Variants in SUPT3H observed in about 807,000 individuals in gnomAD.
SUPT3H encodes transcription initiation protein SPT3 homolog.
A neutral mutation model predicts 44.3 loss-of-function variants in SUPT3H; 44 were observed. The observed-to-expected ratio is 0.99, with a 90% CI of 0.78 to 1.28. SUPT3H has a LOEUF of 1.28. SUPT3H is among the 50% of genes most tolerant of loss of function. The probability of loss-of-function intolerance (pLI) is 0.00; values close to 1 mark genes in which losing one functional copy is unlikely to be tolerated. For synonymous variants in SUPT3H, 124 were observed against 125.6 expected, an observed-to-expected ratio of 0.99 and a Z score of 0.09; for missense variants, 380 against 387.1, an observed-to-expected ratio of 0.98 and a Z score of 0.15.
At chr6:44,813,576 G>GAAAAAAAAAAAAAAAAAA (rs5875893) in intron 11 of SUPT3H, among the ~76,000 whole-genome samples, 1 of 135,232 alleles carries the variant, frequency 7.4e-6, no homozygotes, top group African/African-American at 2.7e-5. Context: ...AAACCAAGAG[G>GAAAAAAAAAAAAAAAAAA]AAAAAAAAAA....
intron 2 of SUPT3H, among the ~76,000 whole-genome samples, chr6:45,355,065 C>T (rs1014490959): frequency 6.6e-6 from 1 of 151,758 alleles, no homozygotes; most frequent in African/African-American, 2.4e-5. Context: ...GACTCAACCA[C>T]TTGGGCTTAA....
In SUPT3H at chr6:45,158,302, T is replaced by A. The variant is rs1200533988; in HGVS notation, c.102-52296A>T. Among the ~76,000 whole-genome samples, 587 of 70,048 alleles carry A rather than the reference T, an allele frequency of 8.4e-3. 10 individuals are homozygous for A. The highest frequency in any genetic ancestry group is 0.015 in the African/African-American group (280 of 19,094). The allele number at this position is 70,048 out of a possible 152,430, so 46.0% of individuals were successfully genotyped here. On this transcript the variant is annotated intron_variant, in intron 2 of 10. Transcript: ENST00000371459. ...TATATATATATATATATATATATTT[T>A]TTTTTTTTTTTTTTTGAGATGGAGT...
intron 6 of SUPT3H, among the ~76,000 whole-genome samples, chr6:44,988,466 G>T: frequency 1.4e-5 from 2 of 140,616 alleles, no homozygotes; most frequent in East Asian, 2.0e-4. Flanking sequence ...AAGTAAATTA[G>T]GCCAAAGGGC....
intron 2 of SUPT3H, among the ~76,000 whole-genome samples, chr6:45,252,547 A>G (rs1036544610): frequency 2.0e-5 from 3 of 152,144 alleles, no homozygotes; most frequent in Non-Finnish European, 4.4e-5. Context: ...GTTCTGTCCA[A>G]TAGAATTTCA....
At chr6:44,895,874 A>G (rs2153445328) in intron 10 of SUPT3H, among the ~76,000 whole-genome samples, 1 of 152,018 alleles carries the variant, frequency 6.6e-6, no homozygotes. Flanking sequence ...TGTAGACATA[A>G]CTAAAGTAGG....
chr6:45,318,136 G>A (rs188387541), intron 2 of SUPT3H, among the ~76,000 whole-genome samples: 1 of 152,126 alleles, frequency 6.6e-6, no homozygotes, highest in East Asian at 1.9e-4. Context: ...TATAGACAGA[G>A]TAAAAAGATC....
At chr6:44,966,634 T>C (rs1473139958) in intron 6 of SUPT3H, among the ~76,000 whole-genome samples, 1 of 152,126 alleles carries the variant, frequency 6.6e-6, no homozygotes, top group Admixed American at 6.5e-5. Context: ...AGAAAACAGT[T>C]ACTATTCTAG....
At chr6:44,958,067 C>T (rs1250396594) in intron 7 of SUPT3H, among the ~76,000 whole-genome samples, 3 of 152,122 alleles carry the variant, frequency 2.0e-5, no homozygotes, top group East Asian at 1.9e-4. Flanking sequence ...CCTTCTCCTT[C>T]GCCCCTCTTC....
At chr6:45,069,295 G>A (rs1175955631) in intron 3 of SUPT3H, among the ~76,000 whole-genome samples, 1 of 152,186 alleles carries the variant, frequency 6.6e-6, no homozygotes, top group Non-Finnish European at 1.5e-5. Context: ...CTAGGACTCT[G>A]AGCAGGGAAG....
chr6:44,951,742 G>C (rs952761400), intron 9 of SUPT3H, among the ~76,000 whole-genome samples: 3 of 152,164 alleles, frequency 2.0e-5, no homozygotes, highest in Admixed American at 6.5e-5. Flanking sequence ...ACCAAGAAAA[G>C]AGGGGAAATA....
intron 3 of SUPT3H, among the ~76,000 whole-genome samples, chr6:45,026,567 C>A (rs2153521361): frequency 6.6e-6 from 1 of 152,110 alleles, no homozygotes; most frequent in Admixed American, 6.5e-5. Context: ...CATTAAAAGT[C>A]AAATAATACT....
At chr6:44,987,152 C>T (rs1779908062) in intron 6 of SUPT3H, among the ~76,000 whole-genome samples, 2 of 152,206 alleles carry the variant, frequency 1.3e-5, no homozygotes, top group Non-Finnish European at 2.9e-5. Flanking sequence ...GAGGTTCTTC[C>T]TGTTCTTACA....
At chr6:44,985,445 T>A (rs1779668342) in intron 6 of SUPT3H, among the ~76,000 whole-genome samples, 1 of 151,956 alleles carries the variant, frequency 6.6e-6, no homozygotes, top group Non-Finnish European at 1.5e-5. Context: ...CATAAATACG[T>A]TGTATCCTAA....
intron 3 of SUPT3H, among the ~76,000 whole-genome samples, chr6:45,062,718 G>C (rs74690327): frequency 2.0e-5 from 3 of 152,092 alleles, no homozygotes; most frequent in Non-Finnish European, 4.4e-5. Flanking sequence ...CTGGAAAATC[G>C]GGTCACTCCC....
intron 10 of SUPT3H, among the ~76,000 whole-genome samples, chr6:44,851,607 G>A (rs1422791555): frequency 2.0e-5 from 3 of 152,092 alleles, no homozygotes; most frequent in African/African-American, 7.2e-5. Context: ...AATGATCCCC[G>A]GTTAGCCTTT....
intron 6 of SUPT3H, among the ~76,000 whole-genome samples, chr6:44,986,447 C>T (rs1467140749): frequency 6.6e-6 from 1 of 152,084 alleles, no homozygotes; most frequent in African/African-American, 2.4e-5. Context: ...GACTCTGGTA[C>T]TACTACTACT....
chr6:45,337,987 T>C (rs1788943882), intron 2 of SUPT3H, among the ~76,000 whole-genome samples: 1 of 152,018 alleles, frequency 6.6e-6, no homozygotes, highest in Non-Finnish European at 1.5e-5. Flanking sequence ...GCTTCTTTCA[T>C]ACTCTAATTA....
At position 45,012,374 on chromosome 6, in the gene SUPT3H, T is replaced by C. The variant is rs76563016; in HGVS notation, c.364+2427A>G. Among the ~76,000 whole-genome samples the C allele has an allele frequency of 1.7e-3, 251 of 152,110 alleles. 2 individuals are homozygous for C. Among genetic ancestry groups the C allele is most frequent in the African/African-American group, 5.7e-3 (237 of 41,546 alleles). On this transcript the variant is annotated intron_variant, in intron 5 of 10. Coordinates refer to ENST00000371459, the MANE Select transcript of SUPT3H (RefSeq NM_003599.4). ...TTATTTTTTCACTTTTTTCTTCAGATTGTAAACTCTTTAATGATGTCTTCA... is the reference window on the plus strand; with the variant it reads ...TTATTTTTTCACTTTTTTCTTCAGACTGTAAACTCTTTAATGATGTCTTCA...
intron 2 of SUPT3H, among the ~76,000 whole-genome samples, chr6:45,127,055 C>A (rs925097352): frequency 6.6e-6 from 1 of 152,150 alleles, no homozygotes; most frequent in Non-Finnish European, 1.5e-5. Context: ...GTGGCTGACG[C>A]CTGTAATCCC....
Sources: gnomAD v4.1 joint callset for allele counts (sites outside exome capture counted in the v4.1 genomes callset) on GRCh38, gnomAD v4.1.1 for gene constraint, MANE v1.5 for transcripts, NCBI Gene and HGNC (gene_info 2026-07-23, HGNC 2026-07-21) for gene names.